The following NSUN3 variants were observed in gnomAD, a reference collection of about 807,000 sequenced individuals.
The protein encoded by NSUN3 is tRNA (cytosine(34)-C(5))-methyltransferase, mitochondrial.
In NSUN3, 24 loss-of-function variants were observed where a neutral mutation model predicts 36.8. The ratio of observed to expected loss-of-function variants is 0.65; its 90% confidence interval spans 0.47 to 0.92. NSUN3 has a LOEUF of 0.92. Ranked by LOEUF, NSUN3 falls within the 40% of genes least tolerant of loss-of-function variation. The probability of loss-of-function intolerance (pLI) is 0.00; values close to 1 mark genes in which losing one functional copy is unlikely to be tolerated. For synonymous variants in NSUN3, 146 were observed against 145.2 expected, an observed-to-expected ratio of 1.01 and a Z score of -0.04; for missense variants, 381 against 392.8, an observed-to-expected ratio of 0.97 and a Z score of 0.25.
At chr3:94,108,168 G>A (rs796157159) in intron 5 of NSUN3, among the ~76,000 whole-genome samples, 11 of 151,708 alleles carry the variant, frequency 7.3e-5, no homozygotes, top group African/African-American at 2.4e-4. Context: ...TCTTTATAGA[G>A]ATTCATCAAC....
intron 2 of NSUN3, among the ~76,000 whole-genome samples, chr3:94,081,270 C>G (rs1055340934): frequency 6.6e-6 from 1 of 152,118 alleles, no homozygotes; most frequent in Non-Finnish European, 1.5e-5. Flanking sequence ...TGAGATGAAC[C>G]GGGTCCCTCA....
chr3:94,070,166 T>C (rs2077219301), intron 2 of NSUN3, among the ~76,000 whole-genome samples: 1 of 152,116 alleles, frequency 6.6e-6, no homozygotes, highest in East Asian at 1.9e-4. Flanking sequence ...AAGAAGATAA[T>C]ATACGATGGC....
intron 2 of NSUN3, 52 bp from the exon 3 acceptor site, chr3:94,084,055 A>T: frequency 1.6e-6 from 2 of 1,272,532 alleles, no homozygotes; most frequent in Non-Finnish European, 2.2e-6. Context: ...ATAAAATTGT[A>T]TTGGTATGTA....
chr3:94,076,014 A>C, intron 2 of NSUN3: 1 of 1,608,418 alleles, frequency 6.2e-7, no homozygotes, highest in Non-Finnish European at 8.5e-7. Flanking sequence ...GATACAGAAC[A>C]AATCACCCAA....
At chr3:94,090,115 A>C (rs1234762109) in intron 3 of NSUN3, among the ~76,000 whole-genome samples, 1 of 152,166 alleles carries the variant, frequency 6.6e-6, no homozygotes, top group Non-Finnish European at 1.5e-5. Context: ...TACCAATTTC[A>C]GTTTCTTTCT....
chr3:94,086,423 A>G (rs1363079809), intron 3 of NSUN3, among the ~76,000 whole-genome samples: 3 of 152,260 alleles, frequency 2.0e-5, no homozygotes, highest in Non-Finnish European at 4.4e-5. Context: ...CTCCTCCTTT[A>G]GGAAGTTGAT....
chr3:94,090,860 C>T (rs758894241), intron 3 of NSUN3, among the ~76,000 whole-genome samples: 3 of 152,004 alleles, frequency 2.0e-5, no homozygotes, highest in Non-Finnish European at 2.9e-5. Flanking sequence ...AAAAACAAAG[C>T]CAGAGCCTAC....
chr3:94,118,513 T>C (rs1251316757), intron 5 of NSUN3, among the ~76,000 whole-genome samples: 2 of 152,138 alleles, frequency 1.3e-5, no homozygotes, highest in African/African-American at 4.8e-5. Flanking sequence ...GATAATTTCA[T>C]GCATTATAGT....
chr3:94,088,228 G>C (rs1342972446), intron 3 of NSUN3, among the ~76,000 whole-genome samples: 1 of 152,108 alleles, frequency 6.6e-6, no homozygotes, highest in African/African-American at 2.4e-5. Flanking sequence ...TAACCATTTT[G>C]TAACACTTTG....
In NSUN3 at chr3:94,131,725, T is replaced by C. The variant is rs913525643; in HGVS notation, c.*5235T>C. Among the ~76,000 whole-genome samples, 1 of 152,216 alleles carries C rather than the reference T, an allele frequency of 6.6e-6. No homozygotes were observed. Among genetic ancestry groups the C allele is most frequent in the Non-Finnish European group, 1.5e-5 (1 of 68,034 alleles). ...GACACTGAGTTACTTTCAAAATAGC[T>C]TTATAAAAATTTAGGTTGCTTACCA... is the stretch of plus-strand genomic sequence containing the variant. On this transcript the variant is annotated 3_prime_UTR_variant, in exon 6 of 6. Transcript: ENST00000314622.
At chr3:94,090,304 A>G (rs375841749) in intron 3 of NSUN3, among the ~76,000 whole-genome samples, 28 of 152,180 alleles carry the variant, frequency 1.8e-4, no homozygotes, top group African/African-American at 6.8e-4. Context: ...GTGACACTTT[A>G]TATTTCATAT....
intron 5 of NSUN3, among the ~76,000 whole-genome samples, chr3:94,110,869 A>G (rs1331990442): frequency 6.6e-6 from 1 of 151,606 alleles, no homozygotes; most frequent in Non-Finnish European, 1.5e-5. Context: ...CCTTCCTACT[A>G]GTTGCAATGC....
rs1035502972 is a variant in NSUN3 at position 94,126,138 on chromosome 3, C to T, written c.744-73C>T. The T allele has an allele frequency of 2.2e-5, 28 of 1,300,390 alleles. No homozygotes were observed. In the Admixed American group the frequency reaches 4.9e-4, roughly 23 times the overall value. 80.6% of individuals were successfully genotyped at this position (1,300,390 alleles called of 1,614,324 possible). ...GTAAGGTTAGTTTTAAGTACGTAAT[C>T]TTTGCTGTCAGACCCCCTGGTTTCT... is the stretch of plus-strand genomic sequence containing the variant. On this transcript the variant is annotated intron_variant, in intron 5 of 5. Coordinates refer to ENST00000314622, the MANE Select transcript of NSUN3 (RefSeq NM_022072.5).
Position 94,084,454 on chromosome 3 carries a change from G to A in NSUN3, c.466+4G>A, listed in dbSNP as rs1285240366. Reference sequence around the variant, plus strand: ...CTGCTGCAGTGTGCTTGTCCAGGTAGTGTGCTTTCCTTTCAGTATTTGACA... The same window carrying A: ...CTGCTGCAGTGTGCTTGTCCAGGTAATGTGCTTTCCTTTCAGTATTTGACA... On this transcript the variant is annotated splice_donor_region_variant and intron_variant, in intron 3 of 5. Coordinates refer to ENST00000314622, the MANE Select transcript of NSUN3 (RefSeq NM_022072.5). 2.5e-6 allele frequency: 4 copies of A among 1,601,502 alleles called. No homozygotes were observed. The highest frequency in any genetic ancestry group is 2.6e-6 in the Non-Finnish European group (3 of 1,172,864).
Position 94,113,834 on chromosome 3 carries a change from G to T in NSUN3, c.744-12377G>T, listed in dbSNP as rs2077428633. 3.3e-5 allele frequency among the ~76,000 whole-genome samples: 5 copies of T among 152,122 alleles called. No homozygotes were observed. The South Asian group carries it at 1.0e-3, about 32-fold the overall frequency. On this transcript the variant is annotated intron_variant, in intron 5 of 5. Transcript: ENST00000314622. ...CTACCAAGTTATTCCAAATTATTTG[G>T]AATTTTAATGAAGGACTAACTACTT...
intron 5 of NSUN3, among the ~76,000 whole-genome samples, chr3:94,125,764 A>G (rs1044532038): frequency 1.3e-5 from 2 of 152,216 alleles, no homozygotes; most frequent in Non-Finnish European, 2.9e-5. Flanking sequence ...AGAAAGAAAT[A>G]GGTGTAAGAT....
In NSUN3 at chr3:94,130,912, A is replaced by G. The variant is rs1464140989; in HGVS notation, c.*4422A>G. Among the ~76,000 whole-genome samples, 2 of 150,370 alleles carry G rather than the reference A, an allele frequency of 1.3e-5. No individual in the cohort carries two copies. The highest frequency in any genetic ancestry group is 4.9e-5 in the African/African-American group (2 of 40,898). On this transcript the variant is annotated 3_prime_UTR_variant, in exon 6 of 6. Transcript: ENST00000314622. ...ATTTTCATTCAACCCTTTTTTTTTC[A>G]CTTTGAATCAAATGGAATTTAGTTC...
intron 5 of NSUN3, among the ~76,000 whole-genome samples, chr3:94,100,864 A>T (rs1285962141): frequency 6.6e-6 from 1 of 152,180 alleles, no homozygotes; most frequent in African/African-American, 2.4e-5. Context: ...CAGAATTTCA[A>T]CTTTTGGAAA....
At chr3:94,076,832 T>G (rs1401047530) in intron 2 of NSUN3, 3 of 1,585,078 alleles carry the variant, frequency 1.9e-6, no homozygotes, top group Non-Finnish European at 2.6e-6. Context: ...TATTTCAATT[T>G]TTCCACTAAC....
Sources: gnomAD v4.1 joint callset for allele counts (sites outside exome capture counted in the v4.1 genomes callset) on GRCh38, gnomAD v4.1.1 for gene constraint, MANE v1.5 for transcripts, NCBI Gene and HGNC (gene_info 2026-07-23, HGNC 2026-07-21) for gene names.